Variants in GUCY1B1 observed in about 807,000 individuals in gnomAD.
GUCY1B1 encodes the protein guanylate cyclase soluble subunit beta-1.
In GUCY1B1, 43 loss-of-function variants were observed where a neutral mutation model predicts 71.0. That is an observed-to-expected ratio of 0.61 (90% CI 0.47 to 0.78). The LOEUF (loss-of-function observed/expected upper bound fraction) is 0.78. Ranked by LOEUF, GUCY1B1 falls within the 30% of genes least tolerant of loss-of-function variation. The pLI is 0.00. For missense variants in GUCY1B1, 535 were observed against 754.1 expected, an observed-to-expected ratio of 0.71 and a Z score of 3.40; for synonymous variants, 266 against 259.7, an observed-to-expected ratio of 1.02 and a Z score of -0.23.
chr4:155,781,957 A>G (rs1412809129), intron 4 of GUCY1B1, among the ~76,000 whole-genome samples: 3 of 152,194 alleles, frequency 2.0e-5, no homozygotes, highest in East Asian at 3.8e-4. Context: ...AGACAAGACC[A>G]TATTTCAGTA....
chr4:155,771,914 G>A (rs1252297074), intron 2 of GUCY1B1, among the ~76,000 whole-genome samples: 1 of 152,098 alleles, frequency 6.6e-6, no homozygotes, highest in Non-Finnish European at 1.5e-5. Flanking sequence ...AAAGCAGTAT[G>A]TTCTATATAT....
intron 9 of GUCY1B1, 135 bp downstream of exon 9, chr4:155,800,209 T>C (rs1739850138): frequency 7.9e-6 from 4 of 508,870 alleles, no homozygotes; most frequent in South Asian, 8.1e-5. Flanking sequence ...TCTTTCACAT[T>C]GCTTTTAAAA....
intron 2 of GUCY1B1, among the ~76,000 whole-genome samples, chr4:155,769,815 A>T (rs1323569692): frequency 6.6e-6 from 1 of 152,140 alleles, no homozygotes; most frequent in African/African-American, 2.4e-5. Context: ...CATGTAAAAT[A>T]AGTACAATTT....
At chr4:155,784,374 A>G (rs548457822) in intron 4 of GUCY1B1, among the ~76,000 whole-genome samples, 3 of 152,306 alleles carry the variant, frequency 2.0e-5, no homozygotes, top group South Asian at 4.1e-4. Context: ...GGTGTTTCTC[A>G]TCATCTAGGG....
At chr4:155,772,234 A>G (rs1019178097) in intron 2 of GUCY1B1, among the ~76,000 whole-genome samples, 1 of 152,174 alleles carries the variant, frequency 6.6e-6, no homozygotes, top group Admixed American at 6.5e-5. Flanking sequence ...AGAATTTAAT[A>G]TTTTATGTAC....
chr4:155,773,600 C>G (rs1238782466), intron 2 of GUCY1B1, among the ~76,000 whole-genome samples: 1 of 152,184 alleles, frequency 6.6e-6, no homozygotes, highest in African/African-American at 2.4e-5. Flanking sequence ...CCTTGTCCGC[C>G]TCCAACAAGT....
At chr4:155,772,919 G>C (rs1737791671) in intron 2 of GUCY1B1, among the ~76,000 whole-genome samples, 1 of 152,190 alleles carries the variant, frequency 6.6e-6, no homozygotes. Context: ...TGCATACTAA[G>C]GTATGGATGT....
Position 155,775,203 on chromosome 4 carries a change from C to T in GUCY1B1, c.178+135C>T. The T allele has an allele frequency of 7.7e-6, 5 of 652,158 alleles. No individual in the cohort carries two copies. The South Asian group carries it at 9.1e-5, about 12-fold the overall frequency. 40.4% of individuals were successfully genotyped at this position (652,158 alleles called of 1,614,324 possible). A position where few individuals can be genotyped will look rare whatever the true frequency, so the allele number is the denominator to read the frequency against. ...ACAACCTGCATAGTTGTGTGGTGGG[C>T]ATCCACATATCATGTTAGGCTCAGG... On this transcript the variant is annotated intron_variant, in intron 3 of 13. Coordinates refer to ENST00000264424, the MANE Select transcript of GUCY1B1 (RefSeq NM_000857.5).
rs536257864 is a variant in GUCY1B1, at chr4:155,769,945, T to C, written c.78-5023T>C. Reference sequence around the variant, plus strand: ...AAAATTGGAGCTCAAAAAATAATTCTGAAAGAATGAATGAGTCTATAAAAT... The same window carrying C: ...AAAATTGGAGCTCAAAAAATAATTCCGAAAGAATGAATGAGTCTATAAAAT... On this transcript the variant is annotated intron_variant, in intron 2 of 13. Transcript: ENST00000264424. 3.3e-5 allele frequency among the ~76,000 whole-genome samples: 5 copies of C among 152,266 alleles called. No individual in the cohort carries two copies. In the East Asian group the frequency reaches 9.6e-4, roughly 29 times the overall value.
chr4:155,799,767 A>T, intron 8 of GUCY1B1, 110 bp from the exon 9 acceptor site: 1 of 599,852 alleles, frequency 1.7e-6, no homozygotes, highest in South Asian at 2.4e-5. Flanking sequence ...CTTCAGCCTG[A>T]TGTTTTGAAT....
chr4:155,789,303 G>A (rs1579232372), intron 4 of GUCY1B1, among the ~76,000 whole-genome samples: 1 of 152,162 alleles, frequency 6.6e-6, no homozygotes, highest in Non-Finnish European at 1.5e-5. Context: ...TTTTAGAATT[G>A]CAGTATAAAC....
intron 5 of GUCY1B1, 128 bp from the exon 6 acceptor site, chr4:155,793,728 G>C: frequency 3.4e-6 from 2 of 593,128 alleles, no homozygotes; most frequent in Middle Eastern, 9.1e-4. Context: ...TGGAGTATTT[G>C]CATATATGTT....
chr4:155,795,173 A>G (rs1056797677), intron 6 of GUCY1B1, among the ~76,000 whole-genome samples, 168 bp from the exon 7 acceptor site: 5 of 152,278 alleles, frequency 3.3e-5, no homozygotes, highest in Middle Eastern at 3.4e-3. Context: ...ACTGAGTTGT[A>G]TAGATTGAGA....
intron 11 of GUCY1B1, 72 bp downstream of exon 11, chr4:155,803,836 C>A: frequency 9.7e-7 from 1 of 1,033,682 alleles, no homozygotes; most frequent in South Asian, 2.0e-5. Context: ...TATCGTTGTC[C>A]GGAAAATCAT....
intron 13 of GUCY1B1, 76 bp from the exon 14 acceptor site, chr4:155,806,310 G>T (rs1410249305): frequency 1.1e-6 from 1 of 918,026 alleles, no homozygotes; most frequent in Non-Finnish European, 1.7e-6. Flanking sequence ...CTCATAAAGA[G>T]AAAAATATAT....
chr4:155,770,615 C>T lies in GUCY1B1; in HGVS notation c.78-4353C>T, dbSNP rs144822249. The stretch of plus-strand genomic sequence containing the variant: ...AAACTGCTTCATACTAAAGAGTTTG[C>T]GATACCTCCAATTAACTTTTGCAGT... On this transcript the variant is annotated intron_variant, in intron 2 of 13. Coordinates refer to ENST00000264424, the MANE Select transcript of GUCY1B1 (RefSeq NM_000857.5). Among the ~76,000 whole-genome samples the T allele has an allele frequency of 7.2e-4, 109 of 152,194 alleles. 2 individuals carry two copies. Among genetic ancestry groups the T allele is most frequent in the African/African-American group, 2.0e-3 (81 of 41,524 alleles).
chr4:155,794,807 A>G (rs557061209), intron 6 of GUCY1B1, among the ~76,000 whole-genome samples: 3 of 152,096 alleles, frequency 2.0e-5, no homozygotes, highest in Non-Finnish European at 4.4e-5. Flanking sequence ...TTACTGTATG[A>G]CCTTGAACTT....
intron 4 of GUCY1B1, among the ~76,000 whole-genome samples, chr4:155,778,007 A>G (rs889468381): frequency 9.2e-5 from 14 of 151,990 alleles, no homozygotes; most frequent in African/African-American, 3.1e-4. Flanking sequence ...CTTATTTTCT[A>G]TTTACAAAAC....
At chr4:155,761,721 T>C (rs1473823943) in intron 2 of GUCY1B1, among the ~76,000 whole-genome samples, 3 of 152,216 alleles carry the variant, frequency 2.0e-5, no homozygotes, top group African/African-American at 4.8e-5. Flanking sequence ...GCTGAGAATA[T>C]TGTTCCATTC....
Sources: gnomAD v4.1 joint callset for allele counts (sites outside exome capture counted in the v4.1 genomes callset) on GRCh38, gnomAD v4.1.1 for gene constraint, MANE v1.5 for transcripts, NCBI Gene and HGNC (gene_info 2026-07-23, HGNC 2026-07-21) for gene names.